Variants in ASTN2 observed in about 807,000 individuals in gnomAD.
ASTN2 encodes astrotactin 2.
Under a neutral mutation model 139.8 loss-of-function variants are expected in ASTN2, and 54 were observed. The ratio of observed to expected loss-of-function variants is 0.39; its 90% confidence interval spans 0.31 to 0.48. ASTN2 has a LOEUF of 0.48. ASTN2 is among the 20% of genes least tolerant of loss of function. ASTN2 has a pLI of 0.95. For synonymous variants in ASTN2, 756 were observed against 719.5 expected (o/e 1.05, Z -0.81); for missense variants, 1,565 against 1,725.1 (o/e 0.91, Z 1.64).
rs143516805 is a variant in ASTN2 at position 117,142,464 on chromosome 9, A to G, written c.1016-986T>C. 4.4e-3 allele frequency among the ~76,000 whole-genome samples: 667 copies of G among 152,310 alleles called. 2 individuals are homozygous for G. The highest frequency in any genetic ancestry group is 7.5e-3 in the Non-Finnish European group (513 of 68,034). On this transcript the variant is annotated intron_variant, in intron 3 of 22. Transcript: ENST00000313400. ...TCACTTAGCAACATATACCCATTTT[A>G]TTGAGGGGATGTTGAAGCCCCAAAA...
chr9:116,682,257 C>CA (rs1221969829), intron 16 of ASTN2, among the ~76,000 whole-genome samples: 2 of 152,054 alleles, frequency 1.3e-5, no homozygotes, highest in Admixed American at 1.3e-4. Flanking sequence ...TTTATGCAGC[C>CA]AAAAAACACA....
intron 6 of ASTN2, among the ~76,000 whole-genome samples, chr9:117,013,568 C>A (rs1022567988): frequency 6.6e-6 from 1 of 151,504 alleles, no homozygotes; most frequent in African/African-American, 2.4e-5. Flanking sequence ...CCAATCATTT[C>A]GTTATCTAGC....
intron 19 of ASTN2, among the ~76,000 whole-genome samples, chr9:116,565,387 CCATATATATATATATA>C (rs1425072321): frequency 0.025 from 1,046 of 42,068 alleles, 70 homozygotes; most frequent in African/African-American, 0.076. Flanking sequence ...CTCTCTCTCT[CCATATATATATATATA>C]TATATATATA....
Position 116,425,436 on chromosome 9 carries a change from G to A in ASTN2, c.*415C>T. On this transcript the variant is annotated 3_prime_UTR_variant, in exon 23 of 23. Coordinates refer to ENST00000313400, the MANE Select transcript of ASTN2 (RefSeq NM_001365068.1). ...GAGGTCAAAACTGTCTCCTCTAGGG[G>A]TCAGGTCAAAACTGTCCCTCCATAG... 1 of 840,308 alleles carries A rather than the reference G, an allele frequency of 1.2e-6. No homozygotes were observed. Among genetic ancestry groups the A allele is most frequent in the Non-Finnish European group, 1.9e-6 (1 of 519,700 alleles). 52.1% of individuals were successfully genotyped at this position (840,308 alleles called of 1,614,324 possible).
intron 16 of ASTN2, among the ~76,000 whole-genome samples, chr9:116,718,917 A>G (rs528810886): frequency 1.3e-4 from 17 of 134,482 alleles, no homozygotes; most frequent in African/African-American, 4.8e-4. Flanking sequence ...TAGACAATTT[A>G]TTATAATAAA....
chr9:117,064,220 G>A (rs977860863), intron 5 of ASTN2, among the ~76,000 whole-genome samples: 3 of 151,998 alleles, frequency 2.0e-5, no homozygotes, highest in Non-Finnish European at 4.4e-5. Flanking sequence ...GTGTTAGAGA[G>A]CTGTTATCAC....
chr9:117,091,679 G>C (rs915668997), intron 5 of ASTN2, among the ~76,000 whole-genome samples: 1 of 152,100 alleles, frequency 6.6e-6, no homozygotes, highest in African/African-American at 2.4e-5. Flanking sequence ...AGAGGCCCCG[G>C]GGGAGAGGTG....
chr9:116,876,901 G>A (rs1326818), intron 10 of ASTN2, among the ~76,000 whole-genome samples: 53,923 of 151,920 alleles, frequency 0.35, 10,129 homozygotes, highest in East Asian at 0.53. Context: ...GCTTTATTAC[G>A]GTGTTCTGGT....
At chr9:116,824,092 T>A (rs568044332) in intron 11 of ASTN2, among the ~76,000 whole-genome samples, 1 of 152,206 alleles carries the variant, frequency 6.6e-6, no homozygotes, top group Non-Finnish European at 1.5e-5. Context: ...ATTTAGTGTA[T>A]CTGTGTATTA....
rs895247774 is a variant in ASTN2 at position 116,439,344 on chromosome 9, G to T, written c.3782+1265C>A. Among the ~76,000 whole-genome samples, 756 of 143,052 alleles carry T rather than the reference G, an allele frequency of 5.3e-3. 40 individuals are homozygous for T. The highest frequency in any genetic ancestry group is 0.019 in the African/African-American group (711 of 37,342). The allele number at this position is 143,052 out of a possible 152,430, so 93.8% of individuals were successfully genotyped here. A position where few individuals can be genotyped will look rare whatever the true frequency, so the allele number is the denominator to read the frequency against. ...GCCTCCCGAGTAGCTGGGACTACAG[G>T]CGCCCGCCACTACGCCCGGCTAATT... On this transcript the variant is annotated intron_variant, in intron 22 of 22. Transcript: ENST00000313400.
chr9:117,158,052 C>A (rs965574531), intron 3 of ASTN2, among the ~76,000 whole-genome samples: 1 of 151,834 alleles, frequency 6.6e-6, no homozygotes, highest in African/African-American at 2.4e-5. Flanking sequence ...CCTGAATTTC[C>A]CAATTTAATA....
At chr9:117,177,678 G>A (rs1830951033) in intron 3 of ASTN2, among the ~76,000 whole-genome samples, 1 of 152,092 alleles carries the variant, frequency 6.6e-6, no homozygotes, top group African/African-American at 2.4e-5. Context: ...GTTCACCATG[G>A]GGCATCCTTA....
chr9:116,448,829 C>T lies in ASTN2; in HGVS notation c.3498-6276G>A, dbSNP rs566288314. On this transcript the variant is annotated intron_variant, in intron 20 of 22. Transcript: ENST00000313400. ...CCTTGTACTATTCATGATGCCCAGA[C>T]AGTATGGATGTAGAGAAAATGTGTA... Among the ~76,000 whole-genome samples, 8 of 152,274 alleles carry T rather than the reference C, an allele frequency of 5.3e-5. No individual in the cohort carries two copies. In the South Asian group the frequency reaches 1.7e-3, roughly 32 times the overall value.
At chr9:117,298,698 ATGTATGTG>A (rs1192612095) in intron 1 of ASTN2, among the ~76,000 whole-genome samples, 4 of 79,122 alleles carry the variant, frequency 5.1e-5, no homozygotes, top group Non-Finnish European at 1.1e-4. Flanking sequence ...ATATGTGCAT[ATGTATGTG>A]TGTGTGTGTG....
intron 20 of ASTN2, among the ~76,000 whole-genome samples, chr9:116,486,058 G>A (rs1365678987): frequency 2.0e-5 from 3 of 152,188 alleles, no homozygotes; most frequent in African/African-American, 4.8e-5. Flanking sequence ...ACTCTACAAG[G>A]TGGGTTTTAT....
At chr9:117,018,443 C>T (rs947322124) in intron 6 of ASTN2, among the ~76,000 whole-genome samples, 1 of 151,882 alleles carries the variant, frequency 6.6e-6, no homozygotes, top group South Asian at 2.1e-4. Flanking sequence ...AAATCTCTTT[C>T]ATTACTACAC....
At chr9:116,626,154 G>GTTTT (rs751026997) in intron 17 of ASTN2, among the ~76,000 whole-genome samples, 476 of 34,446 alleles carry the variant, frequency 0.014, 12 homozygotes, top group Non-Finnish European at 0.02. Context: ...TAGTTTTTGT[G>GTTTT]TTTTTTTTTT....
chr9:116,802,952 T>C (rs1200444006), intron 13 of ASTN2, among the ~76,000 whole-genome samples: 2 of 152,040 alleles, frequency 1.3e-5, no homozygotes, highest in Non-Finnish European at 2.9e-5. Context: ...TTCACAAACT[T>C]TGTCCTTTGA....
At position 117,110,934 on chromosome 9, in the gene ASTN2, C is replaced by T. The variant is rs910052653; in HGVS notation, c.1169-14783G>A. Among the ~76,000 whole-genome samples, 5 of 152,272 alleles carry T rather than the reference C, an allele frequency of 3.3e-5. No individual in the cohort carries two copies. The East Asian group carries it at 5.8e-4, about 18-fold the overall frequency. ...GAGAGACTCAGAGAAGGGGAGCCCACAATCTGTGTATAATCTCTGCCCATA... is the reference window on the plus strand; with the variant it reads ...GAGAGACTCAGAGAAGGGGAGCCCATAATCTGTGTATAATCTCTGCCCATA... On this transcript the variant is annotated intron_variant, in intron 4 of 22. Coordinates refer to ENST00000313400, the MANE Select transcript of ASTN2 (RefSeq NM_001365068.1).
Sources: gnomAD v4.1 joint callset for allele counts (sites outside exome capture counted in the v4.1 genomes callset) on GRCh38, gnomAD v4.1.1 for gene constraint, MANE v1.5 for transcripts, NCBI Gene and HGNC (gene_info 2026-07-23, HGNC 2026-07-21) for gene names.